The following IQCH variants were observed in gnomAD, a reference collection of about 807,000 sequenced individuals.
The protein encoded by IQCH is IQ domain-containing protein H.
Under a neutral mutation model 117.0 loss-of-function variants are expected in IQCH, and 98 were observed. That is an observed-to-expected ratio of 0.84 (90% confidence interval 0.71 to 0.99). The LOEUF (loss-of-function observed/expected upper bound fraction) is 0.99. IQCH is among the 50% of genes least tolerant of loss of function. The pLI is 0.00. For missense variants in IQCH, 1,102 were observed against 1,243.8 expected, an observed-to-expected ratio of 0.89 and a Z score of 1.72; for synonymous variants, 412 against 448.2, an observed-to-expected ratio of 0.92 and a Z score of 1.02.
Position 67,261,271 on chromosome 15 carries a change from G to T in IQCH, c.52-1G>T. On this transcript the variant is annotated splice_acceptor_variant, in intron 1 of 20. Transcript: ENST00000335894. LOFTEE classifies it high-confidence loss of function. ...ATATTTTTCATTTTTTATACCTATA[G>T]ATCCATGAAGACCTTTATCAGTTAA... 2 of 1,524,000 alleles carry T rather than the reference G, an allele frequency of 1.3e-6. No homozygotes were observed. The highest frequency in any genetic ancestry group is 1.8e-6 in the Non-Finnish European group (2 of 1,127,170). The allele number at this position is 1,524,000 out of a possible 1,614,324, so 94.4% of individuals were successfully genotyped here.
intron 9 of IQCH, among the ~76,000 whole-genome samples, chr15:67,373,031 T>C (rs1970606047): frequency 6.6e-6 from 1 of 152,032 alleles, no homozygotes; most frequent in South Asian, 2.1e-4. Flanking sequence ...AAAAAAAAAA[T>C]CCTCTCTTGT....
At position 67,476,667 on chromosome 15, in the gene IQCH, G is replaced by A. The variant is rs111328985; in HGVS notation, c.2799+849G>A. ...TGACTAGAGGCAAGTGCAATGCAAC[G>A]TCTCCTGCCAAAAATAGAACCTCTG... On this transcript the variant is annotated intron_variant, in intron 18 of 20. Transcript: ENST00000335894. The surrounding 1 kb of genome is among the most constrained non-coding windows in gnomAD (Gnocchi z 4.1). Among the ~76,000 whole-genome samples the A allele has an allele frequency of 0.02, 2,973 of 152,174 alleles. 111 individuals carry two copies. The highest frequency in any genetic ancestry group is 0.068 in the African/African-American group (2,820 of 41,502).
rs1167477939 is a variant in IQCH at position 67,491,431 on chromosome 15, T to C, written c.2861+1367T>C. 6.6e-6 allele frequency among the ~76,000 whole-genome samples: 1 copy of C among 152,206 alleles called. No homozygotes were observed. The highest frequency in any genetic ancestry group is 2.4e-5 in the African/African-American group (1 of 41,460). ...GGTTTCTTCTCCCTTGCAACTAGAA[T>C]GTGGCTACAATTTAATCTGGCACTT... On this transcript the variant is annotated intron_variant, in intron 19 of 20. Coordinates refer to ENST00000335894, the MANE Select transcript of IQCH (RefSeq NM_001031715.3). The surrounding 1 kb of genome is among the most constrained non-coding windows in gnomAD (Gnocchi z 4.9).
intron 1 of IQCH, among the ~76,000 whole-genome samples, chr15:67,258,159 G>A (rs1965302528): frequency 6.6e-6 from 1 of 151,544 alleles, no homozygotes; most frequent in East Asian, 1.9e-4. Flanking sequence ...TTGAACCTGG[G>A]AGGTGGAGGG....
In IQCH at chr15:67,473,730, A is replaced by C. The variant is rs2083128835; in HGVS notation, c.2677-1966A>C. Among the ~76,000 whole-genome samples the C allele has an allele frequency of 6.6e-6, 1 of 152,216 alleles. No homozygotes were observed. Among genetic ancestry groups the C allele is most frequent in the Non-Finnish European group, 1.5e-5 (1 of 68,038 alleles). ...GCCCTCAGAAAACTCCCAGTCATGG[A>C]GGGCAGATGACCAAGGGAACAACTC... On this transcript the variant is annotated intron_variant, in intron 17 of 20. Coordinates refer to ENST00000335894, the MANE Select transcript of IQCH (RefSeq NM_001031715.3). This position sits in a 1 kb window ranked among gnomAD's most constrained non-coding sequence, Gnocchi z 4.9.
In IQCH at chr15:67,376,746, A is replaced by G. The variant is rs1970748664; in HGVS notation, c.1372+3313A>G. On this transcript the variant is annotated intron_variant, in intron 10 of 20. Transcript: ENST00000335894. The surrounding 1 kb of genome is among the most constrained non-coding windows in gnomAD (Gnocchi z 5.0). ...TCAGTAATGTTTTTGACCACAAAATATTTATAAAGTATTTTAAAATCTGTG... is the reference window on the plus strand; with the variant it reads ...TCAGTAATGTTTTTGACCACAAAATGTTTATAAAGTATTTTAAAATCTGTG... 6.6e-6 allele frequency among the ~76,000 whole-genome samples: 1 copy of G among 152,218 alleles called. No individual in the cohort carries two copies. The highest frequency in any genetic ancestry group is 6.5e-5 in the Admixed American group (1 of 15,276).
intron 4 of IQCH, among the ~76,000 whole-genome samples, chr15:67,279,717 T>C (rs1437447112): frequency 1.3e-5 from 2 of 152,130 alleles, no homozygotes; most frequent in Admixed American, 6.5e-5. Flanking sequence ...AAAATGTGAA[T>C]TTTGGCTGGG....
intron 6 of IQCH, among the ~76,000 whole-genome samples, chr15:67,354,864 G>T (rs895060400): frequency 1.3e-5 from 2 of 152,098 alleles, no homozygotes; most frequent in African/African-American, 2.4e-5. Flanking sequence ...CCACCTCTTG[G>T]TCATAAGATG....
At chr15:67,268,434 A>G (rs1435463361) in intron 3 of IQCH, among the ~76,000 whole-genome samples, 3 of 152,194 alleles carry the variant, frequency 2.0e-5, no homozygotes, top group Non-Finnish European at 4.4e-5. Flanking sequence ...GCTGGCTTTC[A>G]CAAATTTTAT....
In IQCH at chr15:67,357,044, ACTCT is replaced by A. The variant is rs535258099; in HGVS notation, c.638-298_638-295del. Among the ~76,000 whole-genome samples the A allele has an allele frequency of 2.1e-4, 32 of 152,222 alleles. 1 individual carries two copies. In the South Asian group the frequency reaches 6.2e-3, roughly 30 times the overall value. On this transcript the variant is annotated intron_variant, in intron 6 of 20. Coordinates refer to ENST00000335894, the MANE Select transcript of IQCH (RefSeq NM_001031715.3). ...CAAAGCATTTTATAAGACAGATATTACTCTCTAATTTGCCTGCTTTTAAAATGTG... is the reference window on the plus strand; with the variant it reads ...CAAAGCATTTTATAAGACAGATATTACTAATTTGCCTGCTTTTAAAATGTG...
chr15:67,280,089 AAAGT>A (rs2140475284), intron 4 of IQCH, among the ~76,000 whole-genome samples: 1 of 152,366 alleles, frequency 6.6e-6, no homozygotes, highest in South Asian at 2.1e-4. Flanking sequence ...TTAAAAGAGT[AAAGT>A]AAGAAATTTG....
rs2081355202 is a variant in IQCH at position 67,408,124 on chromosome 15, A to G, written c.2097+7819A>G. 6.6e-6 allele frequency: 1 copy of G among 152,386 alleles called. No homozygotes were observed. Among genetic ancestry groups the G allele is most frequent in the South Asian group, 2.1e-4 (1 of 4,826 alleles). The allele number at this position is 152,386 out of a possible 1,614,324, so 9.4% of individuals were successfully genotyped here. A position where few individuals can be genotyped will look rare whatever the true frequency, so the allele number is the denominator to read the frequency against. On this transcript the variant is annotated intron_variant, in intron 14 of 20. Transcript: ENST00000335894. The surrounding 1 kb of genome is among the most constrained non-coding windows in gnomAD (Gnocchi z 4.2). ...TTTGAATCAATTGAATTTAACTACCAGTTTTTCGCAATAACAGCATGGAAG... is the reference window on the plus strand; with the variant it reads ...TTTGAATCAATTGAATTTAACTACCGGTTTTTCGCAATAACAGCATGGAAG...
intron 16 of IQCH, among the ~76,000 whole-genome samples, chr15:67,429,836 G>A (rs1216889286): frequency 6.6e-6 from 1 of 152,212 alleles, no homozygotes; most frequent in Non-Finnish European, 1.5e-5. Context: ...CCACAATTGT[G>A]AATCAACTCC....
At chr15:67,419,329 C>G (rs1346183501) in intron 15 of IQCH, among the ~76,000 whole-genome samples, 1 of 152,142 alleles carries the variant, frequency 6.6e-6, no homozygotes, top group East Asian at 1.9e-4. Context: ...TTCTGCCTTT[C>G]TCTCGACCCA....
In IQCH at chr15:67,301,970, G is replaced by A. The variant is rs916925576; in HGVS notation, c.387+22458G>A. On this transcript the variant is annotated intron_variant, in intron 4 of 20. Transcript: ENST00000335894. ...CTGATTTCTTTTCAGAAATAACTAT[G>A]TGTAGTGCTACAGAATTTAACAATA... Among the ~76,000 whole-genome samples the A allele has an allele frequency of 2.0e-5, 3 of 152,228 alleles. No individual in the cohort carries two copies. The East Asian group carries it at 5.8e-4, about 29-fold the overall frequency.
rs752109472 is a variant in IQCH at position 67,384,956 on chromosome 15, G to A, written c.1393G>A (p.Glu465Lys). ...PSLGYSQPVR[E>K]HIADFNTQQN... ...TTTAGGGTATTCCCAGCCTGTGAGA[G>A]AACATATTGCCGATTTCAACACACA... Residue 465 changes from glutamate (E) to lysine (K), a missense_variant, in exon 11 of 21, where the codon GAA (glutamate) becomes AAA (lysine). Glu to Lys is a moderately conservative substitution (Grantham distance 56). This residue lies in a region of IQCH where 650 missense variants were observed against 794.3 expected (regional missense o/e 0.82). Coordinates refer to ENST00000335894, the MANE Select transcript of IQCH (RefSeq NM_001031715.3). The surrounding 1 kb of genome is among the most constrained non-coding windows in gnomAD (Gnocchi z 4.3). The A allele has an allele frequency of 1.9e-6, 3 of 1,611,778 alleles. No individual in the cohort carries two copies. The South Asian group carries it at 3.3e-5, about 18-fold the overall frequency.
chr15:67,289,379 A>G (rs889519554), intron 4 of IQCH, among the ~76,000 whole-genome samples: 6 of 152,064 alleles, frequency 3.9e-5, no homozygotes, highest in Non-Finnish European at 5.9e-5. Flanking sequence ...GAATTATTGC[A>G]GTGATCATGG....
chr15:67,454,106 C>T lies in IQCH; in HGVS notation c.2506-11021C>T, dbSNP rs2082600579. ...GCGCAGTATTAGGGTGGGAGTGACCCGATTTTCCAGGTGCCATCTGTCACT... is the reference window on the plus strand; with the variant it reads ...GCGCAGTATTAGGGTGGGAGTGACCTGATTTTCCAGGTGCCATCTGTCACT... On this transcript the variant is annotated intron_variant, in intron 16 of 20. Transcript: ENST00000335894. This position sits in a 1 kb window ranked among gnomAD's most constrained non-coding sequence, Gnocchi z 5.2. Among the ~76,000 whole-genome samples, 2 of 152,140 alleles carry T rather than the reference C, an allele frequency of 1.3e-5. No individual in the cohort carries two copies. The highest frequency in any genetic ancestry group is 2.4e-5 in the African/African-American group (1 of 41,422).
intron 4 of IQCH, among the ~76,000 whole-genome samples, chr15:67,290,072 G>A (rs1254997692): frequency 6.6e-6 from 1 of 151,844 alleles, no homozygotes; most frequent in Non-Finnish European, 1.5e-5. Flanking sequence ...ATAATTCTGG[G>A]GCATAGTGAA....
Sources: allele counts gnomAD v4.1 joint callset (sites outside exome capture counted in the v4.1 genomes callset), GRCh38; gene constraint gnomAD v4.1.1; regional missense constraint gnomAD v4.1.1; non-coding constraint Gnocchi (gnomAD v3.1); transcripts MANE v1.5; gene names NCBI Gene and HGNC (gene_info 2026-07-23, HGNC 2026-07-21).